Variants in SLC4A5 observed in about 807,000 individuals in gnomAD.
The protein encoded by SLC4A5 is electrogenic sodium bicarbonate cotransporter 4.
Under a neutral mutation model 120.4 loss-of-function variants are expected in SLC4A5, and 96 were observed. That is an observed-to-expected ratio of 0.80 (90% confidence interval 0.68 to 0.94). The LOEUF (loss-of-function observed/expected upper bound fraction) is 0.94. Ranked by LOEUF, SLC4A5 falls within the 40% of genes least tolerant of loss-of-function variation. The probability of loss-of-function intolerance (pLI) is 0.00; values close to 1 mark genes in which losing one functional copy is unlikely to be tolerated. For missense variants in SLC4A5, 1,259 were observed against 1,459.5 expected (o/e 0.86, Z 2.24); for synonymous variants, 550 against 571.1 (o/e 0.96, Z 0.53).
At chr2:74,279,859 C>A (rs528051402) in intron 8 of SLC4A5, among the ~76,000 whole-genome samples, 1 of 152,316 alleles carries the variant, frequency 6.6e-6, no homozygotes, top group African/African-American at 2.4e-5. Context: ...CACGTGCCAT[C>A]TGTTATCAAG....
At chr2:74,294,074 C>G (rs908479107) in intron 7 of SLC4A5, among the ~76,000 whole-genome samples, 1 of 152,198 alleles carries the variant, frequency 6.6e-6, no homozygotes, top group East Asian at 1.9e-4. Context: ...CAGAGCCTGG[C>G]ATGTGCATGG....
At chr2:74,300,863 C>A (rs999022131) in intron 7 of SLC4A5, among the ~76,000 whole-genome samples, 4 of 152,228 alleles carry the variant, frequency 2.6e-5, no homozygotes, top group African/African-American at 9.7e-5. Flanking sequence ...TGGCCTCTTT[C>A]CTGCCCCTGA....
At chr2:74,236,044 A>G (rs1174439042) in intron 21 of SLC4A5, among the ~76,000 whole-genome samples, 2 of 152,222 alleles carry the variant, frequency 1.3e-5, no homozygotes, top group Non-Finnish European at 2.9e-5. Flanking sequence ...TTAACATAAC[A>G]TATGTAATTG....
chr2:74,276,452 G>A lies in SLC4A5; in HGVS notation c.401+9321C>T, dbSNP rs576162705. Among the ~76,000 whole-genome samples the A allele has an allele frequency of 1.2e-4, 18 of 152,262 alleles. No homozygotes were observed. The East Asian group carries it at 3.1e-3, about 26-fold the overall frequency. The stretch of plus-strand genomic sequence containing the variant: ...CAGAAGTTAGAGCTTCCACCTTTCC[G>A]CTGCTCTAGGGATTGATGTAGTGCT... On this transcript the variant is annotated intron_variant, in intron 8 of 30. Coordinates refer to ENST00000394019, the Ensembl canonical transcript of SLC4A5.
At chr2:74,313,046 G>T (rs1282194217) in intron 6 of SLC4A5, among the ~76,000 whole-genome samples, 10 of 141,084 alleles carry the variant, frequency 7.1e-5, no homozygotes, top group African/African-American at 7.9e-5. Flanking sequence ...CCCCCTTTTT[G>T]GTCTTTTTTT....
At chr2:74,246,998 A>G in intron 19 of SLC4A5, 38 bp downstream of exon 19, 2 of 1,604,630 alleles carry the variant, frequency 1.2e-6, no homozygotes, top group Non-Finnish European at 1.7e-6. Context: ...CCGGTGGGGT[A>G]GGTGAGGGCC....
At chr2:74,324,656 T>A (rs954326168) in intron 5 of SLC4A5, among the ~76,000 whole-genome samples, 4 of 152,146 alleles carry the variant, frequency 2.6e-5, no homozygotes, top group Non-Finnish European at 5.9e-5. Flanking sequence ...TCCAGTATGG[T>A]GTGAAGAGTA....
intron 8 of SLC4A5, 81 bp from the exon 9 acceptor site, chr2:74,265,345 T>C: frequency 6.7e-7 from 1 of 1,494,316 alleles, no homozygotes; most frequent in Non-Finnish European, 9.1e-7. Context: ...AAGAGGGGTG[T>C]CATGTGGGTT....
At chr2:74,338,132 T>C (rs1425913104) in intron 3 of SLC4A5, among the ~76,000 whole-genome samples, 1 of 152,100 alleles carries the variant, frequency 6.6e-6, no homozygotes, top group African/African-American at 2.4e-5. Context: ...GAATTTAATA[T>C]TTCAGAGATG....
At chr2:74,318,515 G>A (rs1379085165) in intron 5 of SLC4A5, among the ~76,000 whole-genome samples, 4 of 151,968 alleles carry the variant, frequency 2.6e-5, no homozygotes, top group African/African-American at 4.8e-5. Context: ...GTGAAACCCC[G>A]TATCTACTAA....
chr2:74,286,556 T>C (rs893328855), intron 7 of SLC4A5, among the ~76,000 whole-genome samples: 2 of 152,180 alleles, frequency 1.3e-5, no homozygotes, highest in Non-Finnish European at 2.9e-5. Flanking sequence ...TTCATCTCTC[T>C]CTCTCTCCAG....
intron 9 of SLC4A5, 103 bp downstream of exon 9, chr2:74,265,001 G>C: frequency 7.5e-7 from 1 of 1,325,946 alleles, no homozygotes; most frequent in Non-Finnish European, 1.0e-6. Context: ...TCAGGTGTCA[G>C]AGACGGGCCG....
chr2:74,252,307 A>G, exon 16 of SLC4A5: 3 of 1,612,776 alleles, frequency 1.9e-6, no homozygotes, highest in Non-Finnish European at 2.5e-6. Context: ...CACCACCTCC[A>G]TTGCCTCCTC....
At chr2:74,227,523 C>T (rs1694888706) in intron 26 of SLC4A5, 3 of 1,612,364 alleles carry the variant, frequency 1.9e-6, no homozygotes, top group Non-Finnish European at 2.5e-6. Context: ...TCACTGGAGT[C>T]AGCTTCTTCT....
intron 7 of SLC4A5, among the ~76,000 whole-genome samples, chr2:74,300,273 G>T (rs990265078): frequency 1.3e-5 from 2 of 152,180 alleles, no homozygotes; most frequent in African/African-American, 4.8e-5. Context: ...ACTGCATGGT[G>T]ACTATAGTTA....
chr2:74,299,518 C>T, intron 7 of SLC4A5, among the ~76,000 whole-genome samples: 1 of 152,158 alleles, frequency 6.6e-6, no homozygotes. Flanking sequence ...CATCAAGCCT[C>T]TTTTTCTTTA....
intron 21 of SLC4A5, 82 bp downstream of exon 21, chr2:74,239,253 C>T: frequency 7.5e-7 from 1 of 1,336,430 alleles, no homozygotes; most frequent in East Asian, 2.3e-5. Flanking sequence ...GGAGTCCATC[C>T]TGTCGGTGGA....
intron 28 of SLC4A5, among the ~76,000 whole-genome samples, chr2:74,223,671 T>C (rs2103876872): frequency 6.6e-6 from 1 of 152,376 alleles, no homozygotes; most frequent in Non-Finnish European, 1.5e-5. Flanking sequence ...TGGCATGTGG[T>C]AGCCACTCAG....
In SLC4A5 at chr2:74,337,125, G is replaced by A. The variant is rs887065158; in HGVS notation, c.-221+1730C>T. ...ACTTTGCTAGGTCCTGGAGGCTGAG[G>A]TCCCAATCCCCGCTCCCTGGACTGA... is the stretch of plus-strand genomic sequence containing the variant. On this transcript the variant is annotated intron_variant, in intron 3 of 30. Transcript: ENST00000394019. 2.6e-5 allele frequency among the ~76,000 whole-genome samples: 4 copies of A among 152,312 alleles called. No individual in the cohort carries two copies. In the South Asian group the frequency reaches 8.3e-4, roughly 32 times the overall value.
Sources: allele counts gnomAD v4.1 joint callset (sites outside exome capture counted in the v4.1 genomes callset), GRCh38; gene constraint gnomAD v4.1.1; transcripts MANE v1.5; gene names NCBI Gene and HGNC (gene_info 2026-07-23, HGNC 2026-07-21).